Variants in CD58 observed in about 807,000 individuals in gnomAD.
CD58 encodes the protein CD58 molecule.
A neutral mutation model predicts 27.6 loss-of-function variants in CD58; 14 were observed. That is an observed-to-expected ratio of 0.51 (90% CI 0.34 to 0.79). CD58 has a LOEUF of 0.79. CD58 is among the 30% of genes least tolerant of loss of function. The probability of loss-of-function intolerance (pLI) is 0.02; values close to 1 mark genes in which losing one functional copy is unlikely to be tolerated. For synonymous variants in CD58, 117 were observed against 103.8 expected (o/e 1.13, Z -0.77); for missense variants, 268 against 301.7 (o/e 0.89, Z 0.83).
chr1:116,533,037 C>T, intron 3 of CD58: 1 of 728,506 alleles, frequency 1.4e-6, no homozygotes, highest in South Asian at 1.4e-5. Context: ...AATTCGTCCT[C>T]TTCTTCTTCA....
rs1657885296 is a variant in CD58 at position 116,538,354 on chromosome 1, C to T, written c.365-2126G>A. On this transcript the variant is annotated intron_variant, in intron 2 of 5. Coordinates refer to ENST00000369489, the MANE Select transcript of CD58 (RefSeq NM_001779.3). The surrounding 1 kb of genome is among the most constrained non-coding windows in gnomAD (Gnocchi z 4.7). Reference sequence around the variant, plus strand: ...CTGGTCCCTTTTGCCCACCCCACCCCATAGCAGCCCTCAGGGGACTTCCAA... The same window carrying T: ...CTGGTCCCTTTTGCCCACCCCACCCTATAGCAGCCCTCAGGGGACTTCCAA... 6.6e-6 allele frequency among the ~76,000 whole-genome samples: 1 copy of T among 152,162 alleles called. No individual in the cohort carries two copies. Among genetic ancestry groups the T allele is most frequent in the Admixed American group, 6.5e-5 (1 of 15,276 alleles).
Position 116,570,218 on chromosome 1 carries a change from T to C in CD58, c.70+685A>G, listed in dbSNP as rs1228917921. Reference sequence around the variant, plus strand: ...AATGGGAAGAAGGGGACCTATTTCCTGAGGTTGTTGTGACGACTTGGCTGA... The same window carrying C: ...AATGGGAAGAAGGGGACCTATTTCCCGAGGTTGTTGTGACGACTTGGCTGA... On this transcript the variant is annotated intron_variant, in intron 1 of 5. Transcript: ENST00000369489. The surrounding 1 kb of genome is among the most constrained non-coding windows in gnomAD (Gnocchi z 6.4). Among the ~76,000 whole-genome samples the C allele has an allele frequency of 6.6e-6, 1 of 152,170 alleles. No homozygotes were observed. The highest frequency in any genetic ancestry group is 1.5e-5 in the Non-Finnish European group (1 of 68,026).
rs992359249 is a variant in CD58, at chr1:116,528,415, C to T, written c.629-6432G>A. ...TCTACCTTCAGTGACTTACTCCCTGCAGGTAACATAATGTCCACACAGCTA... is the reference window on the plus strand; with the variant it reads ...TCTACCTTCAGTGACTTACTCCCTGTAGGTAACATAATGTCCACACAGCTA... On this transcript the variant is annotated intron_variant, in intron 3 of 5. Coordinates refer to ENST00000369489, the MANE Select transcript of CD58 (RefSeq NM_001779.3). The surrounding 1 kb of genome is among the most constrained non-coding windows in gnomAD (Gnocchi z 4.4). Among the ~76,000 whole-genome samples, 171 of 152,242 alleles carry T rather than the reference C, an allele frequency of 1.1e-3. 2 individuals are homozygous for T. The highest frequency in any genetic ancestry group is 0.011 in the Admixed American group (169 of 15,282).
intron 2 of CD58, among the ~76,000 whole-genome samples, chr1:116,543,660 T>C (rs567207173): frequency 6.6e-6 from 1 of 152,062 alleles, no homozygotes; most frequent in African/African-American, 2.4e-5. Flanking sequence ...TGGTGGCTCA[T>C]GAGTGTAATC....
rs372789767 is a variant in CD58 at position 116,514,912 on chromosome 1, G to A, written c.744-90C>T. The A allele has an allele frequency of 1.1e-4, 97 of 873,156 alleles. No homozygotes were observed. In the East Asian group the frequency reaches 1.7e-3, roughly 15 times the overall value. The allele number at this position is 873,156 out of a possible 1,614,324, so 54.1% of individuals were successfully genotyped here. Reference sequence around the variant, plus strand: ...CTTAATTACCCTCCTATTCTAAAGTGAATAGCCCTTTTGTAATAAACTCAT... The same window carrying A: ...CTTAATTACCCTCCTATTCTAAAGTAAATAGCCCTTTTGTAATAAACTCAT... On this transcript the variant is annotated intron_variant, in intron 5 of 5. Coordinates refer to ENST00000369489, the MANE Select transcript of CD58 (RefSeq NM_001779.3).
At chr1:116,558,174 GA>G (rs1658643795) in intron 1 of CD58, among the ~76,000 whole-genome samples, 1 of 142,386 alleles carries the variant, frequency 7.0e-6, no homozygotes, top group Non-Finnish European at 1.5e-5. Flanking sequence ...AAAAAAGAAA[GA>G]AAAAAGAAAA....
At chr1:116,540,969 C>T (rs182245063) in intron 2 of CD58, among the ~76,000 whole-genome samples, 74 of 152,174 alleles carry the variant, frequency 4.9e-4, no homozygotes, top group Admixed American at 1.6e-3. Context: ...ACCACCATGC[C>T]TGGTTAATTA....
intron 1 of CD58, among the ~76,000 whole-genome samples, chr1:116,555,539 GT>G (rs1354144159): frequency 6.6e-6 from 1 of 152,080 alleles, no homozygotes; most frequent in Non-Finnish European, 1.5e-5. Context: ...ATTTTTGAAG[GT>G]TTTTTTGTTT....
At chr1:116,548,769 A>T (rs574950449) in intron 1 of CD58, among the ~76,000 whole-genome samples, 45 of 152,342 alleles carry the variant, frequency 3.0e-4, no homozygotes, top group African/African-American at 1.1e-3. Context: ...AAAATTATTT[A>T]GTCAAATTAC....
intron 3 of CD58, chr1:116,533,120 GA>G: frequency 2.7e-6 from 2 of 751,158 alleles, no homozygotes; most frequent in Non-Finnish European, 5.0e-6. Context: ...TCCGCTCACG[GA>G]AAAAGTGTCC....
intron 3 of CD58, among the ~76,000 whole-genome samples, chr1:116,525,893 C>T (rs573288589): frequency 3.9e-5 from 6 of 152,226 alleles, no homozygotes; most frequent in South Asian, 2.1e-4. Context: ...TCAGGTGATC[C>T]GCCTGCCTCG....
Position 116,519,521 on chromosome 1 carries a change from C to G in CD58, c.707-254G>C, listed in dbSNP as rs1657199521. 1.3e-5 allele frequency among the ~76,000 whole-genome samples: 2 copies of G among 152,126 alleles called. No homozygotes were observed. The highest frequency in any genetic ancestry group is 2.9e-5 in the Non-Finnish European group (2 of 68,012). ...GTTGACAAAATGGCTAATTTTACCT[C>G]GTGCATAAGGCTGAAGATGCAGGGA... On this transcript the variant is annotated intron_variant, in intron 4 of 5. Transcript: ENST00000369489. The surrounding 1 kb of genome is among the most constrained non-coding windows in gnomAD (Gnocchi z 4.7).
rs745863777 is a variant in CD58, at chr1:116,517,881, T to C, written c.743+1350A>G. 1.5e-4 allele frequency among the ~76,000 whole-genome samples: 23 copies of C among 152,116 alleles called. No homozygotes were observed. The highest frequency in any genetic ancestry group is 3.2e-4 in the Non-Finnish European group (22 of 68,014). On this transcript the variant is annotated intron_variant, in intron 5 of 5. Coordinates refer to ENST00000369489, the MANE Select transcript of CD58 (RefSeq NM_001779.3). This position sits in a 1 kb window ranked among gnomAD's most constrained non-coding sequence, Gnocchi z 6.5. ...CAAAATCAACCTGTCAAAGCAAAAA[T>C]TCATAATTTTCCTTCCCAACCAAGA...
intron 1 of CD58, among the ~76,000 whole-genome samples, chr1:116,556,977 C>G (rs1461180347): frequency 6.6e-6 from 1 of 152,226 alleles, no homozygotes; most frequent in African/African-American, 2.4e-5. Flanking sequence ...AATTCCTGTT[C>G]TTGAAAGTTG....
At chr1:116,568,967 T>C (rs2101240106) in intron 1 of CD58, among the ~76,000 whole-genome samples, 1 of 152,352 alleles carries the variant, frequency 6.6e-6, no homozygotes, top group Non-Finnish European at 1.5e-5. Flanking sequence ...TTAAGGCCTA[T>C]GCAGAGCAGT....
Position 116,522,186 on chromosome 1 carries a change from T to C in CD58, c.629-203A>G, listed in dbSNP as rs1657282854. On this transcript the variant is annotated intron_variant, in intron 3 of 5. Coordinates refer to ENST00000369489, the MANE Select transcript of CD58 (RefSeq NM_001779.3). The surrounding 1 kb of genome is among the most constrained non-coding windows in gnomAD (Gnocchi z 4.6). ...CCAATAAGCAGATTCCCAGCAGAGG[T>C]GGAAAAAGGTAAAGCTCTGCCTTCT... 6.6e-6 allele frequency among the ~76,000 whole-genome samples: 1 copy of C among 152,176 alleles called. No individual in the cohort carries two copies. The highest frequency in any genetic ancestry group is 2.4e-5 in the African/African-American group (1 of 41,432).
intron 1 of CD58, among the ~76,000 whole-genome samples, chr1:116,549,112 T>C (rs985216128): frequency 2.0e-5 from 3 of 152,226 alleles, no homozygotes; most frequent in African/African-American, 4.8e-5. Flanking sequence ...GAAATATTCA[T>C]TGGGCATCTA....
rs924852791 is a variant in CD58 at position 116,516,555 on chromosome 1, G to A, written c.744-1733C>T. The stretch of plus-strand genomic sequence containing the variant: ...GTGTCTTTTGCCTCTACTTCAACTC[G>A]ATGCCAGGCAGGTCAATCTTACTAT... On this transcript the variant is annotated intron_variant, in intron 5 of 5. Coordinates refer to ENST00000369489, the MANE Select transcript of CD58 (RefSeq NM_001779.3). This position sits in a 1 kb window ranked among gnomAD's most constrained non-coding sequence, Gnocchi z 6.1. 6.6e-6 allele frequency among the ~76,000 whole-genome samples: 1 copy of A among 152,050 alleles called. No individual in the cohort carries two copies. The highest frequency in any genetic ancestry group is 6.5e-5 in the Admixed American group (1 of 15,276).
chr1:116,569,550 T>C (rs987352970), intron 1 of CD58, among the ~76,000 whole-genome samples: 1 of 151,518 alleles, frequency 6.6e-6, no homozygotes, highest in African/African-American at 2.4e-5. Flanking sequence ...ACACTTGATT[T>C]CACAAAAGAG....
Sources: allele counts gnomAD v4.1 joint callset (sites outside exome capture counted in the v4.1 genomes callset), GRCh38; gene constraint gnomAD v4.1.1; non-coding constraint Gnocchi (gnomAD v3.1); transcripts MANE v1.5; gene names NCBI Gene and HGNC (gene_info 2026-07-23, HGNC 2026-07-21).